NELL1: variants seen among roughly 807,000 people sequenced by gnomAD.
NELL1 encodes neural EGFL like 1.
A neutral mutation model predicts 107.4 loss-of-function variants in NELL1; 76 were observed. That is an observed-to-expected ratio of 0.71 (90% CI 0.59 to 0.86). NELL1 has a LOEUF of 0.86. NELL1 is among the 40% of genes least tolerant of loss of function. The pLI, the probability that NELL1 is intolerant of heterozygous loss-of-function variation, is 0.00. For synonymous variants in NELL1, 353 were observed against 341.2 expected (o/e 1.03, Z -0.38); for missense variants, 1,024 against 1,005.5 (o/e 1.02, Z -0.25).
intron 12 of NELL1, among the ~76,000 whole-genome samples, chr11:20,961,396 C>T (rs142008603): frequency 6.7e-4 from 102 of 152,210 alleles, no homozygotes; most frequent in African/African-American, 2.3e-3. Flanking sequence ...AAAGTGATGG[C>T]TGGGCTATTT....
chr11:21,562,789 C>T (rs1157257447), intron 17 of NELL1, among the ~76,000 whole-genome samples: 1 of 131,740 alleles, frequency 7.6e-6, no homozygotes, highest in Non-Finnish European at 1.7e-5. Context: ...AGCAGAATTA[C>T]ACAAACCAAC....
At chr11:20,846,710 T>C (rs1387065224) in intron 3 of NELL1, among the ~76,000 whole-genome samples, 1 of 152,168 alleles carries the variant, frequency 6.6e-6, no homozygotes, top group Non-Finnish European at 1.5e-5. Flanking sequence ...CAGTCTCAGG[T>C]TTTTTGAGTG....
At chr11:21,551,403 C>A (rs1034746721) in intron 16 of NELL1, among the ~76,000 whole-genome samples, 2 of 152,020 alleles carry the variant, frequency 1.3e-5, no homozygotes, top group Non-Finnish European at 2.9e-5. Flanking sequence ...TGAGAGAAGG[C>A]ATCCCTGTCT....
At chr11:21,247,345 C>T (rs1026746066) in intron 14 of NELL1, among the ~76,000 whole-genome samples, 1 of 152,166 alleles carries the variant, frequency 6.6e-6, no homozygotes, top group African/African-American at 2.4e-5. Flanking sequence ...TGCAATAACA[C>T]TTAGCTTAAA....
chr11:21,374,779 A>G (rs1028246621), intron 15 of NELL1, among the ~76,000 whole-genome samples: 4 of 151,932 alleles, frequency 2.6e-5, no homozygotes, highest in African/African-American at 9.7e-5. Flanking sequence ...GACTCCCTAC[A>G]TCTTGTACTC....
chr11:20,985,665 T>A (rs746245273), intron 12 of NELL1, among the ~76,000 whole-genome samples: 2 of 152,278 alleles, frequency 1.3e-5, no homozygotes, highest in East Asian at 3.9e-4. Flanking sequence ...GGGAAGAAGA[T>A]TAGAAGAAGA....
intron 12 of NELL1, among the ~76,000 whole-genome samples, chr11:20,971,255 A>AT (rs1349442735): frequency 2.0e-5 from 3 of 152,066 alleles, no homozygotes; most frequent in African/African-American, 7.2e-5. Flanking sequence ...ACTTAATAAT[A>AT]TTTTAGGACT....
chr11:21,246,643 A>C, intron 14 of NELL1, among the ~76,000 whole-genome samples: 1 of 152,150 alleles, frequency 6.6e-6, no homozygotes, highest in East Asian at 1.9e-4. Flanking sequence ...TGTACTTAAT[A>C]TTTGAGGCAA....
intron 12 of NELL1, among the ~76,000 whole-genome samples, chr11:21,037,698 T>G (rs1364581138): frequency 6.6e-6 from 1 of 152,174 alleles, no homozygotes; most frequent in Non-Finnish European, 1.5e-5. Context: ...AACAGTTATT[T>G]GGGCAGCAAC....
chr11:20,690,592 T>C (rs1854436950), intron 2 of NELL1, among the ~76,000 whole-genome samples: 1 of 146,792 alleles, frequency 6.8e-6, no homozygotes, highest in Non-Finnish European at 1.5e-5. Flanking sequence ...CAGATAGTTG[T>C]AGATATGTGG....
intron 17 of NELL1, among the ~76,000 whole-genome samples, chr11:21,567,316 G>A (rs76407460): frequency 6.6e-6 from 1 of 151,688 alleles, no homozygotes; most frequent in Admixed American, 6.6e-5. Flanking sequence ...TTAAAATAAT[G>A]GTATATGAGC....
At chr11:21,485,022 T>C (rs1044539534) in intron 15 of NELL1, among the ~76,000 whole-genome samples, 10 of 152,204 alleles carry the variant, frequency 6.6e-5, no homozygotes, top group Non-Finnish European at 8.8e-5. Context: ...GAGAAGCTCC[T>C]GGACATAAGG....
intron 13 of NELL1, among the ~76,000 whole-genome samples, chr11:21,177,495 T>C (rs1263641543): frequency 6.6e-6 from 1 of 151,888 alleles, no homozygotes; most frequent in Non-Finnish European, 1.5e-5. Context: ...CCACATTTTC[T>C]TTATCTAGTC....
intron 15 of NELL1, among the ~76,000 whole-genome samples, chr11:21,505,202 G>A (rs1354104126): frequency 6.6e-6 from 1 of 152,096 alleles, no homozygotes; most frequent in East Asian, 1.9e-4. Flanking sequence ...GTCTCAGAAT[G>A]TTCCCAAGAT....
At chr11:21,351,647 G>A (rs1565182542) in intron 14 of NELL1, among the ~76,000 whole-genome samples, 1 of 152,150 alleles carries the variant, frequency 6.6e-6, no homozygotes, top group East Asian at 1.9e-4. Flanking sequence ...TCTACCTTCT[G>A]TGGATCTCTG....
intron 14 of NELL1, among the ~76,000 whole-genome samples, chr11:21,230,818 T>TA (rs946803723): frequency 2.6e-5 from 4 of 151,982 alleles, no homozygotes; most frequent in African/African-American, 9.7e-5. Context: ...AACTCATTTT[T>TA]TTTTAACAGC....
chr11:20,896,209 C>G (rs1849734340), intron 5 of NELL1, among the ~76,000 whole-genome samples: 3 of 152,128 alleles, frequency 2.0e-5, no homozygotes, highest in African/African-American at 2.4e-5. Flanking sequence ...AGCTTAGCTC[C>G]CACTTATAAG....
At chr11:21,416,068 A>G (rs929832415) in intron 15 of NELL1, among the ~76,000 whole-genome samples, 5 of 152,014 alleles carry the variant, frequency 3.3e-5, no homozygotes, top group Admixed American at 3.3e-4. Context: ...TGCTGCTGTA[A>G]CACTCTAGGA....
chr11:20,909,175 C>T (rs758747480), intron 5 of NELL1, among the ~76,000 whole-genome samples: 7 of 151,918 alleles, frequency 4.6e-5, no homozygotes, highest in Admixed American at 1.3e-4. Context: ...GGGATGGTGG[C>T]GGGAGTCATG....
Sources: gnomAD v4.1 joint callset for allele counts (sites outside exome capture counted in the v4.1 genomes callset) on GRCh38, gnomAD v4.1.1 for gene constraint, MANE v1.5 for transcripts, NCBI Gene and HGNC (gene_info 2026-07-23, HGNC 2026-07-21) for gene names.